Variants in LINGO2 observed in about 807,000 individuals in gnomAD.
LINGO2 encodes leucine rich repeat and Ig domain containing 2.
A neutral mutation model predicts 30.6 loss-of-function variants in LINGO2; 14 were observed. The observed-to-expected ratio is 0.46, with a 90% CI of 0.30 to 0.72. LINGO2 has a LOEUF of 0.72. Among genes scored for constraint, LINGO2 ranks in the 30% least tolerant of loss-of-function variants. The pLI is 0.07. For synonymous variants in LINGO2, 317 were observed against 288.5 expected, an observed-to-expected ratio of 1.10 and a Z score of -1.00; for missense variants, 729 against 751.7, an observed-to-expected ratio of 0.97 and a Z score of 0.35.
chr9:28,150,666 T>G (rs2133552649), intron 4 of LINGO2, among the ~76,000 whole-genome samples: 1 of 152,364 alleles, frequency 6.6e-6, no homozygotes, highest in East Asian at 1.9e-4. Context: ...CAATCAGTTC[T>G]TCTTTTTCCT....
chr9:29,075,252 A>C, the LINGO2 span, among the ~76,000 whole-genome samples: 1 of 152,188 alleles, frequency 6.6e-6, no homozygotes, highest in Non-Finnish European at 1.5e-5. Flanking sequence ...GAATTGCTCA[A>C]AGTGATTTGT....
At chr9:28,697,457 G>A in the LINGO2 span, among the ~76,000 whole-genome samples, 1,520 of 152,018 alleles carry the variant, frequency 1.0e-2, 25 homozygotes, top group African/African-American at 0.034. Flanking sequence ...CTAGTGGTTA[G>A]AAAATGTTTT....
At chr9:29,089,486 T>C in the LINGO2 span, among the ~76,000 whole-genome samples, 1 of 152,070 alleles carries the variant, frequency 6.6e-6, no homozygotes, top group African/African-American at 2.4e-5. Context: ...AAGGAAACGA[T>C]GCACACAAAG....
chr9:29,163,566 A>C, the LINGO2 span, among the ~76,000 whole-genome samples: 41 of 152,306 alleles, frequency 2.7e-4, no homozygotes, highest in African/African-American at 9.4e-4. Flanking sequence ...AAGCTTCAAA[A>C]AAATGATGGC....
intron 1 of LINGO2, among the ~76,000 whole-genome samples, chr9:28,482,313 A>G (rs1457728140): frequency 2.6e-5 from 4 of 152,082 alleles, no homozygotes; most frequent in African/African-American, 4.8e-5. Context: ...AATGATCGCC[A>G]TTCTAACTGC....
In LINGO2 at chr9:28,148,789, C is replaced by G; in HGVS notation, c.-86-136384G>C. 6.5e-7 allele frequency: 1 copy of G among 1,534,090 alleles called. No individual in the cohort carries two copies. The highest frequency in any genetic ancestry group is 2.4e-5 in the East Asian group (1 of 40,894). Reference sequence around the variant, plus strand: ...CAGTGCTCCCTGCCCCAGTTCCAGGCTGCTCCCTGTGGCCAGAGAAGGCGG... The same window carrying G: ...CAGTGCTCCCTGCCCCAGTTCCAGGGTGCTCCCTGTGGCCAGAGAAGGCGG... On this transcript the variant is annotated intron_variant, in intron 4 of 5. Transcript: ENST00000379992. The surrounding 1 kb of genome is among the most constrained non-coding windows in gnomAD (Gnocchi z 5.1).
At chr9:28,739,076 C>T in the LINGO2 span, among the ~76,000 whole-genome samples, 1 of 151,824 alleles carries the variant, frequency 6.6e-6, no homozygotes, top group Non-Finnish European at 1.5e-5. Context: ...TTATAAAAGT[C>T]CATTCCAAAA....
At chr9:29,177,936 T>C in the LINGO2 span, among the ~76,000 whole-genome samples, 2 of 152,286 alleles carry the variant, frequency 1.3e-5, no homozygotes, top group South Asian at 4.1e-4. Context: ...AGTTTACAAG[T>C]ATTAAACATC....
chr9:28,696,125 T>C, the LINGO2 span, among the ~76,000 whole-genome samples: 1 of 152,048 alleles, frequency 6.6e-6, no homozygotes, highest in South Asian at 2.1e-4. Flanking sequence ...CTTTAGTTGT[T>C]AGTTCTTTCC....
At chr9:28,405,112 C>G (rs1015202556) in intron 2 of LINGO2, among the ~76,000 whole-genome samples, 5 of 152,090 alleles carry the variant, frequency 3.3e-5, no homozygotes, top group African/African-American at 1.2e-4. Context: ...AAATCCCTGC[C>G]AAGGGATCTT....
chr9:28,396,511 A>T (rs1822047766), intron 2 of LINGO2, among the ~76,000 whole-genome samples: 1 of 151,848 alleles, frequency 6.6e-6, no homozygotes, highest in Non-Finnish European at 1.5e-5. Flanking sequence ...AAGACCATCC[A>T]GGCTAACGTG....
chr9:28,409,314 A>C (rs756693766), intron 2 of LINGO2, among the ~76,000 whole-genome samples: 4 of 152,108 alleles, frequency 2.6e-5, no homozygotes, highest in Non-Finnish European at 1.5e-5. Flanking sequence ...AGCCAACATA[A>C]TTTTAACACC....
chr9:28,779,009 C>T, the LINGO2 span, among the ~76,000 whole-genome samples: 3 of 151,958 alleles, frequency 2.0e-5, no homozygotes, highest in East Asian at 3.9e-4. Context: ...ACAATAAAAC[C>T]CATATCTATT....
the LINGO2 span, among the ~76,000 whole-genome samples, chr9:28,775,980 G>C: frequency 1.3e-5 from 2 of 152,122 alleles, no homozygotes; most frequent in Admixed American, 1.3e-4. Context: ...GCAGAAATCA[G>C]CAATTTTCAT....
At chr9:28,706,836 C>G in the LINGO2 span, among the ~76,000 whole-genome samples, 2 of 152,054 alleles carry the variant, frequency 1.3e-5, no homozygotes, top group Admixed American at 1.3e-4. Context: ...ACTATTAGCC[C>G]TGATGATAGA....
At chr9:28,170,300 T>C (rs965361553) in intron 4 of LINGO2, among the ~76,000 whole-genome samples, 1 of 152,162 alleles carries the variant, frequency 6.6e-6, no homozygotes. Flanking sequence ...CTTAAATTAA[T>C]ACAAAAAGTT....
intron 1 of LINGO2, among the ~76,000 whole-genome samples, chr9:28,551,559 TTA>T (rs1822283926): frequency 6.6e-6 from 1 of 152,022 alleles, no homozygotes; most frequent in South Asian, 2.1e-4. Context: ...GCTTAAAAAG[TTA>T]TATAATTCAG....
chr9:29,061,368 C>T, the LINGO2 span, among the ~76,000 whole-genome samples: 1 of 151,676 alleles, frequency 6.6e-6, no homozygotes, highest in African/African-American at 2.4e-5. Context: ...CTCAAGGAAC[C>T]AAAAGTAGCC....
chr9:28,948,262 G>C, the LINGO2 span, among the ~76,000 whole-genome samples: 5 of 151,992 alleles, frequency 3.3e-5, no homozygotes, highest in Non-Finnish European at 7.4e-5. Context: ...TGAATATATA[G>C]CTTTTCTCTT....
Sources: gnomAD v4.1 joint callset for allele counts (sites outside exome capture counted in the v4.1 genomes callset) on GRCh38, gnomAD v4.1.1 for gene constraint, Gnocchi (gnomAD v3.1) non-coding constraint, MANE v1.5 for transcripts, NCBI Gene and HGNC (gene_info 2026-07-23, HGNC 2026-07-21) for gene names.